Variants in TNR observed in about 807,000 individuals in gnomAD.
TNR encodes the protein tenascin R.
Under a neutral mutation model 150.4 loss-of-function variants are expected in TNR, and 45 were observed. The observed-to-expected ratio is 0.30, with a 90% CI of 0.24 to 0.38. TNR has a LOEUF of 0.38. TNR is among the 10% of genes least tolerant of loss of function. The pLI is 1.00. For synonymous variants in TNR, 687 were observed against 678.4 expected, an observed-to-expected ratio of 1.01 and a Z score of -0.20; for missense variants, 1,544 against 1,759.1, an observed-to-expected ratio of 0.88 and a Z score of 2.19.
chr1:175,660,218 G>C (rs1665321344), intron 1 of TNR, among the ~76,000 whole-genome samples: 1 of 152,200 alleles, frequency 6.6e-6, no homozygotes, highest in Admixed American at 6.5e-5. Context: ...TGACCAACTA[G>C]GGTGGTAAGT....
chr1:175,431,761 G>A (rs1297853338), intron 2 of TNR, among the ~76,000 whole-genome samples: 1 of 152,058 alleles, frequency 6.6e-6, no homozygotes, highest in African/African-American at 2.4e-5. Flanking sequence ...CAAGGGCAGA[G>A]CCAGAAAGCT....
chr1:175,513,706 G>T (rs1182399206), intron 2 of TNR, among the ~76,000 whole-genome samples: 1 of 152,144 alleles, frequency 6.6e-6, no homozygotes, highest in Non-Finnish European at 1.5e-5. Flanking sequence ...GGGAAGAGGG[G>T]TGCTATTGAC....
intron 2 of TNR, among the ~76,000 whole-genome samples, chr1:175,454,158 C>G (rs1656452669): frequency 6.6e-6 from 1 of 152,150 alleles, no homozygotes; most frequent in Non-Finnish European, 1.5e-5. Context: ...TTTTAGTAGA[C>G]AGAGCTCTAT....
At chr1:175,329,352 A>G (rs184068533) in intron 21 of TNR, among the ~76,000 whole-genome samples, 16 of 152,368 alleles carry the variant, frequency 1.1e-4, no homozygotes, top group Admixed American at 9.1e-4. Flanking sequence ...CCCAAGAAGC[A>G]GACTGGGTGT....
At chr1:175,657,186 C>A (rs1459653532) in intron 1 of TNR, among the ~76,000 whole-genome samples, 3 of 152,066 alleles carry the variant, frequency 2.0e-5, no homozygotes, top group African/African-American at 7.2e-5. Flanking sequence ...TGCCAGGTGA[C>A]CATCAGAGAA....
intron 1 of TNR, among the ~76,000 whole-genome samples, chr1:175,622,678 G>A (rs981541972): frequency 3.3e-5 from 5 of 152,146 alleles, no homozygotes; most frequent in Non-Finnish European, 4.4e-5. Context: ...AGGTTGTAAC[G>A]AAGTACAACA....
intron 2 of TNR, among the ~76,000 whole-genome samples, chr1:175,414,397 A>G (rs1654345311): frequency 6.6e-6 from 1 of 152,200 alleles, no homozygotes; most frequent in Non-Finnish European, 1.5e-5. Flanking sequence ...AGGGATGGAT[A>G]ATACACCCAA....
chr1:175,478,700 G>C (rs761789779), intron 2 of TNR, among the ~76,000 whole-genome samples: 1 of 152,106 alleles, frequency 6.6e-6, no homozygotes, highest in Non-Finnish European at 1.5e-5. Flanking sequence ...GCCTGGCTCA[G>C]TTTCCTGCCA....
intron 2 of TNR, among the ~76,000 whole-genome samples, chr1:175,500,039 T>C (rs1043431737): frequency 6.6e-6 from 1 of 152,160 alleles, no homozygotes; most frequent in African/African-American, 2.4e-5. Flanking sequence ...CCCCCGCATA[T>C]GATGATAATT....
At chr1:175,331,511 C>T (rs1446407368) in intron 20 of TNR, among the ~76,000 whole-genome samples, 2 of 152,114 alleles carry the variant, frequency 1.3e-5, no homozygotes, top group Non-Finnish European at 2.9e-5. Context: ...GATCTGCCCG[C>T]CTCAGCCTCT....
In TNR at chr1:175,386,067, T is replaced by C; in HGVS notation, c.1742A>G (p.Asn581Ser). The C allele has an allele frequency of 6.2e-7, 1 of 1,603,588 alleles. No homozygotes were observed. Among genetic ancestry groups the C allele is most frequent in the Non-Finnish European group, 8.5e-7 (1 of 1,173,760 alleles). ...CTGAGTGGTGGCAGAATCGCTCTCG[T>C]TGGTCCCTCGGACGGCACTGACTGA... ...EVSVSAVRGT[N>S]ESDSATTQFT... The change falls in exon 8 of 23, where the codon AAC becomes AGC. Residue 581 changes from asparagine (N) to serine (S), a missense_variant. Asn to Ser is a conservative substitution (Grantham distance 46). Coordinates refer to ENST00000367674, the MANE Select transcript of TNR (RefSeq NM_003285.3).
chr1:175,643,205 C>T (rs1440808822), intron 1 of TNR, among the ~76,000 whole-genome samples: 1 of 152,216 alleles, frequency 6.6e-6, no homozygotes, highest in African/African-American at 2.4e-5. Context: ...TGGTCCCTCA[C>T]ACCCAATTCC....
At chr1:175,397,497 C>A (rs1252947348) in intron 4 of TNR, among the ~76,000 whole-genome samples, 1 of 152,104 alleles carries the variant, frequency 6.6e-6, no homozygotes, top group East Asian at 1.9e-4. Flanking sequence ...ACCCTGGGAG[C>A]CAATATCTGA....
intron 2 of TNR, among the ~76,000 whole-genome samples, chr1:175,460,633 T>C (rs531672950): frequency 6.6e-6 from 1 of 152,370 alleles, no homozygotes; most frequent in Non-Finnish European, 1.5e-5. Flanking sequence ...ATTTTCACGA[T>C]AATGAGGCAA....
At position 175,505,222 on chromosome 1, in the gene TNR, G is replaced by A. The variant is rs115435383; in HGVS notation, c.-64+23047C>T. 6.0e-3 allele frequency among the ~76,000 whole-genome samples: 921 copies of A among 152,334 alleles called. 13 individuals are homozygous for A. The highest frequency in any genetic ancestry group is 0.021 in the African/African-American group (871 of 41,576). On this transcript the variant is annotated intron_variant, in intron 2 of 22. Transcript: ENST00000367674. ...GCTTGGCATTTATTTAGCCCTCTCT[G>A]CTGACAGGAGCGGCTCTGCGCCACA...
intron 1 of TNR, among the ~76,000 whole-genome samples, chr1:175,590,419 T>C (rs947355904): frequency 2.0e-5 from 3 of 152,226 alleles, no homozygotes; most frequent in African/African-American, 7.2e-5. Context: ...TTACATTTTG[T>C]GTCCCCACCA....
At chr1:175,337,394 G>A (rs1650300172) in intron 19 of TNR, 134 bp downstream of exon 19, 2 of 1,020,820 alleles carry the variant, frequency 2.0e-6, no homozygotes, top group Non-Finnish European at 2.9e-6. Context: ...GCAATGAGGA[G>A]CCCCAAGATG....
chr1:175,672,485 G>T (rs1304479481), intron 1 of TNR, among the ~76,000 whole-genome samples: 1 of 152,168 alleles, frequency 6.6e-6, no homozygotes, highest in Non-Finnish European at 1.5e-5. Context: ...CACAAGTGTT[G>T]TTCTCCCTAA....
In TNR at chr1:175,337,739, C is replaced by T. The variant is rs1406362440; in HGVS notation, c.3383-60G>A. On this transcript the variant is annotated intron_variant, in intron 18 of 22. Transcript: ENST00000367674. The stretch of plus-strand genomic sequence containing the variant: ...CTTTCTCTCACAGTGCACAAGAGCT[C>T]CTTGGATCATAGAAGGTCTTAGCAG... 10 of 1,582,942 alleles carry T rather than the reference C, an allele frequency of 6.3e-6. No homozygotes were observed. In the East Asian group the frequency reaches 2.3e-4, roughly 36 times the overall value.
Sources: allele counts gnomAD v4.1 joint callset (sites outside exome capture counted in the v4.1 genomes callset), GRCh38; gene constraint gnomAD v4.1.1; transcripts MANE v1.5; gene names NCBI Gene and HGNC (gene_info 2026-07-23, HGNC 2026-07-21).